The following UCHL5 variants were observed in gnomAD, a reference collection of about 807,000 sequenced individuals.
UCHL5 encodes the protein ubiquitin C-terminal hydrolase L5.
UCHL5 carries 34 observed loss-of-function variants against 53.8 expected under a neutral mutation model. That is an observed-to-expected ratio of 0.63 (90% CI 0.48 to 0.84). The LOEUF is 0.84. Ranked by LOEUF, UCHL5 falls within the 40% of genes least tolerant of loss-of-function variation. The pLI is 0.00. For synonymous variants in UCHL5, 111 were observed against 126.3 expected, an observed-to-expected ratio of 0.88 and a Z score of 0.81; for missense variants, 290 against 385.6, an observed-to-expected ratio of 0.75 and a Z score of 2.08.
At chr1:193,036,266 T>C (rs1261715767) in intron 3 of UCHL5, among the ~76,000 whole-genome samples, 12 of 120,794 alleles carry the variant, frequency 9.9e-5, no homozygotes, top group South Asian at 2.4e-4. Flanking sequence ...TATAAAGATA[T>C]ATAGACCAAA....
intron 1 of UCHL5, among the ~76,000 whole-genome samples, chr1:193,052,837 A>G (rs911847301): frequency 6.6e-6 from 1 of 152,226 alleles, no homozygotes; most frequent in Non-Finnish European, 1.5e-5. Flanking sequence ...AAGTGCAGCT[A>G]GTATGTGCCA....
Position 193,016,065 on chromosome 1 carries a change from T to G in UCHL5, c.*286A>C, listed in dbSNP as rs1654852794. 2.8e-6 allele frequency: 1 copy of G among 352,034 alleles called. No individual in the cohort carries two copies. Among genetic ancestry groups the G allele is most frequent in the Non-Finnish European group, 5.1e-6 (1 of 195,386 alleles). The allele number at this position is 352,034 out of a possible 1,614,324, so 21.8% of individuals were successfully genotyped here. A position where few individuals can be genotyped will look rare whatever the true frequency, so the allele number is the denominator to read the frequency against. On this transcript the variant is annotated 3_prime_UTR_variant, in exon 11 of 11. Transcript: ENST00000367454. ...AATATCGTTTGTGCATTTTCTAGCT[T>G]CATATGGTAGTTAGACAACCAGAAA...
At chr1:193,029,146 A>G (rs1378340161) in intron 6 of UCHL5, 33 bp downstream of exon 6, 1 of 1,598,848 alleles carries the variant, frequency 6.3e-7, no homozygotes, top group Admixed American at 1.8e-5. Context: ...TCCCCTGTCA[A>G]AAGTGAAATA....
chr1:193,033,453 C>T (rs761470732), intron 3 of UCHL5, among the ~76,000 whole-genome samples: 20 of 152,106 alleles, frequency 1.3e-4, no homozygotes, highest in Middle Eastern at 3.4e-3. Flanking sequence ...GTGCAGTAAA[C>T]GACCATGGCA....
At chr1:193,042,031 A>G (rs1342776509) in intron 3 of UCHL5, among the ~76,000 whole-genome samples, 1 of 151,596 alleles carries the variant, frequency 6.6e-6, no homozygotes, top group Non-Finnish European at 1.5e-5. Context: ...AGGCTGAGGC[A>G]GGAGGTTGAG....
At chr1:193,054,930 C>T (rs955671975) in intron 1 of UCHL5, among the ~76,000 whole-genome samples, 1 of 152,152 alleles carries the variant, frequency 6.6e-6, no homozygotes, top group African/African-American at 2.4e-5. Context: ...TGGATTAATG[C>T]TCTGAGCCAA....
intron 3 of UCHL5, among the ~76,000 whole-genome samples, chr1:193,048,250 A>T (rs1358940109): frequency 6.6e-6 from 1 of 152,214 alleles, no homozygotes. Flanking sequence ...TTGTGAACAA[A>T]CACCTAATAA....
chr1:193,016,905 A>T (rs752835084), intron 10 of UCHL5, among the ~76,000 whole-genome samples: 16 of 151,828 alleles, frequency 1.1e-4, no homozygotes, highest in Non-Finnish European at 1.9e-4. Context: ...GTTTTTACAT[A>T]CTAGTTCAAT....
chr1:193,024,190 C>T (rs1317428284), intron 7 of UCHL5, among the ~76,000 whole-genome samples: 3 of 151,404 alleles, frequency 2.0e-5, no homozygotes. Flanking sequence ...CTGCAGTGAG[C>T]TATGATAGTG....
intron 2 of UCHL5, among the ~76,000 whole-genome samples, chr1:193,050,262 T>C (rs1668588969): frequency 1.3e-5 from 2 of 152,230 alleles, no homozygotes; most frequent in South Asian, 2.1e-4. Context: ...CTTCATATAT[T>C]ATTGGATTCA....
chr1:193,043,989 A>G (rs781613652), intron 3 of UCHL5, among the ~76,000 whole-genome samples: 3 of 152,166 alleles, frequency 2.0e-5, no homozygotes, highest in Non-Finnish European at 4.4e-5. Flanking sequence ...AGTAACGTCT[A>G]TGAGTCTTCT....
chr1:193,053,447 C>A (rs1669696751), intron 1 of UCHL5, among the ~76,000 whole-genome samples: 1 of 152,168 alleles, frequency 6.6e-6, no homozygotes, highest in Non-Finnish European at 1.5e-5. Context: ...CACATCTGTT[C>A]ATGTAAGGAA....
chr1:193,046,568 A>G (rs1667383239), intron 3 of UCHL5, among the ~76,000 whole-genome samples: 1 of 151,516 alleles, frequency 6.6e-6, no homozygotes, highest in Admixed American at 6.6e-5. Flanking sequence ...CCACATCTGT[A>G]AAATGATGAG....
chr1:193,059,804 G>T, upstream of UCHL5: 12 of 1,356,726 alleles, frequency 8.8e-6, no homozygotes, highest in Non-Finnish European at 1.2e-5. The surrounding 1 kb of genome is among the most constrained non-coding windows in gnomAD (Gnocchi z 4.9). Flanking sequence ...GGCCGGCTGG[G>T]AGCCTTTTGT....
intron 3 of UCHL5, among the ~76,000 whole-genome samples, chr1:193,037,045 G>C (rs1323350852): frequency 6.6e-6 from 1 of 151,660 alleles, no homozygotes; most frequent in Non-Finnish European, 1.5e-5. Context: ...CAAAAAAGTA[G>C]AAAGACTCCA....
At chr1:193,025,262 T>C (rs924547075) in intron 7 of UCHL5, among the ~76,000 whole-genome samples, 3 of 152,208 alleles carry the variant, frequency 2.0e-5, no homozygotes, top group Admixed American at 6.5e-5. Context: ...GATTGAAAAA[T>C]CTGTGACCTC....
At chr1:193,022,791 G>GT (rs11385250) in intron 9 of UCHL5, 135 bp downstream of exon 9, 601,097 of 602,292 alleles carry the variant, frequency 1, 299,956 homozygotes, top group East Asian at 1. Flanking sequence ...TCTTTGTAGT[G>GT]ATAAGAGAAT....
At chr1:193,029,364 T>C in intron 5 of UCHL5, 24 bp downstream of exon 5, 2 of 1,613,448 alleles carry the variant, frequency 1.2e-6, no homozygotes, top group Non-Finnish European at 1.7e-6. Context: ...GAAACAGTAT[T>C]TATTTAACAT....
intron 3 of UCHL5, among the ~76,000 whole-genome samples, chr1:193,048,567 T>C (rs1373680664): frequency 6.6e-6 from 1 of 152,260 alleles, no homozygotes; most frequent in Non-Finnish European, 1.5e-5. Context: ...TTTAAAGCGT[T>C]GACATACTGT....
Sources: gnomAD v4.1 joint callset for allele counts (sites outside exome capture counted in the v4.1 genomes callset) on GRCh38, gnomAD v4.1.1 for gene constraint, Gnocchi (gnomAD v3.1) non-coding constraint, MANE v1.5 for transcripts, NCBI Gene and HGNC (gene_info 2026-07-23, HGNC 2026-07-21) for gene names.